TAFA5: variants seen among roughly 807,000 people sequenced by gnomAD.
TAFA5 encodes TAFA chemokine like family member 5, also known as chemokine-like protein TAFA-5.
TAFA5 carries 6 observed loss-of-function variants against 15.3 expected under a neutral mutation model. The ratio of observed to expected loss-of-function variants is 0.39; its 90% CI spans 0.21 to 0.77. The LOEUF is 0.77. TAFA5 is among the 30% of genes least tolerant of loss of function. TAFA5 has a pLI of 0.41. For synonymous variants in TAFA5, 103 were observed against 80.7 expected, an observed-to-expected ratio of 1.28 and a Z score of -1.48; for missense variants, 161 against 193.1, an observed-to-expected ratio of 0.83 and a Z score of 0.98.
rs1051700730 is a variant in TAFA5, at chr22:48,713,664, G to C, written c.390+5820G>C. ...GCAGTGCTGAGCGTCGTCCACGGGG[G>C]CCTTGTTTGGGATTTAGGAGCCAGC... On this transcript the variant is annotated intron_variant, in intron 3 of 3. Transcript: ENST00000402357. 2.0e-5 allele frequency among the ~76,000 whole-genome samples: 3 copies of C among 152,166 alleles called. No individual in the cohort carries two copies. The East Asian group carries it at 5.8e-4, about 29-fold the overall frequency.
chr22:48,533,403 G>C (rs567327488), intron 1 of TAFA5, among the ~76,000 whole-genome samples: 2 of 152,358 alleles, frequency 1.3e-5, no homozygotes, highest in East Asian at 3.9e-4. Context: ...GTGGCACAGG[G>C]TGAGGACTCC....
rs1923106766 is a variant in TAFA5, at chr22:48,558,248, G to T, written c.112+68544G>T. On this transcript the variant is annotated intron_variant, in intron 1 of 3. Transcript: ENST00000402357. The stretch of plus-strand genomic sequence containing the variant: ...TATAACTGGAGCTTATGTTCAATTT[G>T]CTGGGAGCCGGCAAATCATCGTCTG... Among the ~76,000 whole-genome samples the T allele has an allele frequency of 3.3e-5, 5 of 152,314 alleles. No homozygotes were observed. The Middle Eastern group carries it at 0.01, about 311-fold the overall frequency.
At chr22:48,649,121 G>A (rs1199267329) in intron 2 of TAFA5, among the ~76,000 whole-genome samples, 4 of 152,328 alleles carry the variant, frequency 2.6e-5, no homozygotes, top group East Asian at 1.9e-4. Flanking sequence ...GGAAGGGGCC[G>A]CGGGCTCTTG....
intron 1 of TAFA5, among the ~76,000 whole-genome samples, chr22:48,520,489 C>G (rs897268646): frequency 6.6e-6 from 1 of 152,266 alleles, no homozygotes; most frequent in African/African-American, 2.4e-5. Flanking sequence ...TCTGATTCTG[C>G]AGGTGGGACA....
Position 48,749,838 on chromosome 22 carries a change from G to T in TAFA5, c.391-1G>T. 6.4e-7 allele frequency: 1 copy of T among 1,561,022 alleles called. No individual in the cohort carries two copies. The highest frequency in any genetic ancestry group is 2.4e-5 in the East Asian group (1 of 41,712). On this transcript the variant is annotated splice_acceptor_variant, in intron 3 of 3. Transcript: ENST00000402357. LOFTEE classifies it high-confidence loss of function. ...ACCCTCTCTCTCTCTTTGCTCCTCA[G>T]GTCTCCTGACAAACACAGCCCCTGA...
chr22:48,539,212 G>T, intron 1 of TAFA5: 1 of 339,094 alleles, frequency 2.9e-6, no homozygotes, highest in South Asian at 2.5e-5. Flanking sequence ...TCTCACTGAG[G>T]ATGCTGGCTG....
chr22:48,541,541 G>A (rs1922373517), intron 1 of TAFA5, among the ~76,000 whole-genome samples: 2 of 152,200 alleles, frequency 1.3e-5, no homozygotes, highest in Non-Finnish European at 1.5e-5. Flanking sequence ...TGTCCCAGGT[G>A]TGAGGAGCCC....
intron 1 of TAFA5, among the ~76,000 whole-genome samples, chr22:48,523,661 G>A (rs1047639820): frequency 2.0e-5 from 3 of 152,186 alleles, no homozygotes; most frequent in African/African-American, 7.2e-5. Flanking sequence ...CCCAACTTGG[G>A]CCAGGGCTGC....
At chr22:48,682,059 G>A (rs1185705386) in intron 2 of TAFA5, among the ~76,000 whole-genome samples, 1 of 56,246 alleles carries the variant, frequency 1.8e-5, no homozygotes, top group Non-Finnish European at 6.1e-5. Flanking sequence ...GCTTCCCATC[G>A]ATCCCATTCG....
At chr22:48,595,512 C>T (rs1423081578) in intron 1 of TAFA5, among the ~76,000 whole-genome samples, 1 of 152,230 alleles carries the variant, frequency 6.6e-6, no homozygotes, top group Non-Finnish European at 1.5e-5. Flanking sequence ...ATCAGAAGAG[C>T]CCAGGTCTCG....
rs192102871 is a variant in TAFA5 at position 48,588,910 on chromosome 22, A to T, written c.113-57687A>T. ...AGGTCATGGAGCCTTTACAATACACACTCTTCAAAGTCAGCCTCTGCCTCA... is the reference window on the plus strand; with the variant it reads ...AGGTCATGGAGCCTTTACAATACACTCTCTTCAAAGTCAGCCTCTGCCTCA... On this transcript the variant is annotated intron_variant, in intron 1 of 3. Coordinates refer to ENST00000402357, the MANE Select transcript of TAFA5 (RefSeq NM_001082967.3). 1.5e-3 allele frequency among the ~76,000 whole-genome samples: 228 copies of T among 151,920 alleles called. 2 individuals are homozygous for T. The highest frequency in any genetic ancestry group is 5.0e-3 in the African/African-American group (208 of 41,416).
rs1929925453 is a variant in TAFA5 at position 48,733,534 on chromosome 22, G to GA, written c.391-16301dup. ...GCAATCACATCAGTGTGTGATATGA[G>GA]AAAATAACGATCCTTGTTACTTGCA... is the stretch of plus-strand genomic sequence containing the variant. On this transcript the variant is annotated intron_variant, in intron 3 of 3. Transcript: ENST00000402357. Among the ~76,000 whole-genome samples the GA allele has an allele frequency of 2.0e-5, 3 of 152,258 alleles. No homozygotes were observed. The South Asian group carries it at 6.2e-4, about 31-fold the overall frequency.
intron 3 of TAFA5, among the ~76,000 whole-genome samples, chr22:48,723,230 C>G (rs527444115): frequency 2.4e-4 from 36 of 152,334 alleles, no homozygotes; most frequent in African/African-American, 8.2e-4. Context: ...TTCCAAATGG[C>G]TTCTGCATGC....
intron 2 of TAFA5, among the ~76,000 whole-genome samples, chr22:48,706,409 T>A (rs1929079500): frequency 6.6e-6 from 1 of 152,192 alleles, no homozygotes; most frequent in Non-Finnish European, 1.5e-5. Context: ...CTCCCAGCAC[T>A]GGCATGAAGC....
In TAFA5 at chr22:48,670,635, T is replaced by C. The variant is rs547832402; in HGVS notation, c.262+23889T>C. Among the ~76,000 whole-genome samples the C allele has an allele frequency of 8.3e-4, 127 of 152,328 alleles. 1 individual carries two copies. Among genetic ancestry groups the C allele is most frequent in the African/African-American group, 2.9e-3 (121 of 41,582 alleles). ...GGCCTGGGCAGGGTCGAACCCAAGG[T>C]CAAAGCTCCTTGCAGCAGAGACAGG... is the stretch of plus-strand genomic sequence containing the variant. On this transcript the variant is annotated intron_variant, in intron 2 of 3. Coordinates refer to ENST00000402357, the MANE Select transcript of TAFA5 (RefSeq NM_001082967.3).
intron 2 of TAFA5, among the ~76,000 whole-genome samples, chr22:48,651,043 C>T (rs950854482): frequency 1.3e-5 from 2 of 152,266 alleles, no homozygotes; most frequent in African/African-American, 4.8e-5. Flanking sequence ...CTGGCTGTAC[C>T]TGGCCAGCCC....
At chr22:48,655,778 A>G (rs951901382) in intron 2 of TAFA5, among the ~76,000 whole-genome samples, 7 of 149,494 alleles carry the variant, frequency 4.7e-5, no homozygotes, top group African/African-American at 1.7e-4. Context: ...GAGGAGGGAC[A>G]GTGTGGTTGA....
At chr22:48,588,879 T>G (rs1013074285) in intron 1 of TAFA5, among the ~76,000 whole-genome samples, 2 of 152,148 alleles carry the variant, frequency 1.3e-5, no homozygotes, top group Non-Finnish European at 2.9e-5. Flanking sequence ...TGGGTATATT[T>G]AGAAGAGGTC....
intron 1 of TAFA5, among the ~76,000 whole-genome samples, chr22:48,634,150 T>A (rs1230583890): frequency 6.6e-6 from 1 of 152,202 alleles, no homozygotes. Flanking sequence ...ACTCATTTAT[T>A]CACTCACTTA....
Sources: gnomAD v4.1 joint callset for allele counts (sites outside exome capture counted in the v4.1 genomes callset) on GRCh38, gnomAD v4.1.1 for gene constraint, MANE v1.5 for transcripts, NCBI Gene and HGNC (gene_info 2026-07-23, HGNC 2026-07-21) for gene names.